The following SLCO5A1 variants were observed in gnomAD, a reference collection of about 807,000 sequenced individuals.
SLCO5A1 encodes organic anion transporter polypeptide-related protein 4.
Under a neutral mutation model 65.1 loss-of-function variants are expected in SLCO5A1, and 39 were observed. The observed-to-expected ratio is 0.60, with a 90% CI of 0.46 to 0.78. The LOEUF (loss-of-function observed/expected upper bound fraction) is 0.78, where lower values mean the gene tolerates loss of function less well. Among genes scored for constraint, SLCO5A1 ranks in the 30% least tolerant of loss-of-function variants. The pLI, the probability that SLCO5A1 is intolerant of heterozygous loss-of-function variation, is 0.00. For missense variants in SLCO5A1, 1,029 were observed against 1,069.4 expected (o/e 0.96, Z 0.53); for synonymous variants, 438 against 415.7 (o/e 1.05, Z -0.65).
At chr8:69,794,263 A>G (rs753369847) in intron 2 of SLCO5A1, 64 of 478,624 alleles carry the variant, frequency 1.3e-4, no homozygotes, top group Middle Eastern at 3.4e-4. Flanking sequence ...CCAGAATGGG[A>G]AAGTTTTGCT....
At chr8:69,716,182 A>G (rs1215291525) in intron 5 of SLCO5A1, among the ~76,000 whole-genome samples, 3 of 152,192 alleles carry the variant, frequency 2.0e-5, no homozygotes, top group Non-Finnish European at 4.4e-5. Flanking sequence ...ATAACATTTC[A>G]TTGCATTTCT....
intron 5 of SLCO5A1, among the ~76,000 whole-genome samples, chr8:69,714,134 A>G (rs1007267158): frequency 6.6e-6 from 1 of 152,210 alleles, no homozygotes; most frequent in Non-Finnish European, 1.5e-5. Flanking sequence ...ATATATCTCA[A>G]TCTTACTGTT....
At chr8:69,757,949 C>A (rs1240956815) in intron 3 of SLCO5A1, among the ~76,000 whole-genome samples, 1 of 152,108 alleles carries the variant, frequency 6.6e-6, no homozygotes, top group Admixed American at 6.5e-5. Flanking sequence ...TCAGGCAGAC[C>A]TGGGTTTGTA....
chr8:69,680,876 G>C (rs991555632), intron 7 of SLCO5A1, among the ~76,000 whole-genome samples: 1 of 152,188 alleles, frequency 6.6e-6, no homozygotes, highest in Admixed American at 6.5e-5. Flanking sequence ...GACTGTGACA[G>C]AGTCAGACTA....
intron 9 of SLCO5A1, among the ~76,000 whole-genome samples, 186 bp from the exon 10 acceptor site, chr8:69,673,512 C>A (rs1343535594): frequency 2.0e-5 from 3 of 152,100 alleles, no homozygotes; most frequent in Non-Finnish European, 2.9e-5. Flanking sequence ...AAAGCATTCA[C>A]TATATGATAA....
At chr8:69,725,381 A>G (rs1013697712) in intron 5 of SLCO5A1, among the ~76,000 whole-genome samples, 1 of 152,164 alleles carries the variant, frequency 6.6e-6, no homozygotes, top group Non-Finnish European at 1.5e-5. Context: ...TTATTTCTGT[A>G]AAGTACCCCC....
chr8:69,704,892 G>T, intron 6 of SLCO5A1, 139 bp downstream of exon 6: 2 of 775,148 alleles, frequency 2.6e-6, no homozygotes, highest in Non-Finnish European at 4.3e-6. Context: ...TGCTCCACTT[G>T]GAGAGGCAGA....
chr8:69,829,779 A>T (rs1401348198), intron 2 of SLCO5A1, among the ~76,000 whole-genome samples: 1 of 152,222 alleles, frequency 6.6e-6, no homozygotes, highest in Non-Finnish European at 1.5e-5. Context: ...CTTCCTTAGG[A>T]TGTTGATGTT....
chr8:69,829,371 C>A (rs934509081), intron 2 of SLCO5A1, among the ~76,000 whole-genome samples: 1 of 152,014 alleles, frequency 6.6e-6, no homozygotes, highest in African/African-American at 2.4e-5. Context: ...AAAGTCTATG[C>A]CATGGAAAAA....
intron 9 of SLCO5A1, among the ~76,000 whole-genome samples, chr8:69,675,177 CT>C (rs772773985): frequency 0.053 from 7,563 of 142,788 alleles, 601 homozygotes; most frequent in African/African-American, 0.18. Flanking sequence ...ATAAGACTGA[CT>C]TTTTTTTTTT....
chr8:69,705,034 GTTGTATAAGGGATGT>G lies in SLCO5A1; in HGVS notation c.1604_1618del (p.Asn535_Thr539del). 1.2e-6 allele frequency: 2 copies of G among 1,610,796 alleles called. No individual in the cohort carries two copies. The highest frequency in any genetic ancestry group is 8.5e-7 in the Non-Finnish European group (1 of 1,179,822). On this transcript the variant is annotated inframe_deletion, in exon 6 of 10. Coordinates refer to ENST00000260126, the MANE Select transcript of SLCO5A1 (RefSeq NM_030958.3). ...ACGGCTCTTAAGAGGTACTTACCCT[GTTGTATAAGGGATGT>G]TTATGCCCCCTAGATTAATGCTTTC...
chr8:69,711,490 T>C (rs1815255873), intron 5 of SLCO5A1, among the ~76,000 whole-genome samples: 2 of 152,002 alleles, frequency 1.3e-5, no homozygotes, highest in South Asian at 2.1e-4. Flanking sequence ...GACACTTCCA[T>C]ATGTTCGGTG....
At chr8:69,708,953 G>A (rs974058887) in intron 5 of SLCO5A1, among the ~76,000 whole-genome samples, 2 of 152,138 alleles carry the variant, frequency 1.3e-5, no homozygotes, top group Admixed American at 1.3e-4. Flanking sequence ...GTTTCAAGGA[G>A]AAAATAGACA....
intron 5 of SLCO5A1, among the ~76,000 whole-genome samples, chr8:69,711,759 G>C (rs569079164): frequency 1.3e-5 from 2 of 152,276 alleles, no homozygotes; most frequent in South Asian, 4.1e-4. Context: ...GATTATAATA[G>C]TATATTCTTC....
At chr8:69,749,273 A>C (rs1817170826) in intron 4 of SLCO5A1, among the ~76,000 whole-genome samples, 1 of 152,046 alleles carries the variant, frequency 6.6e-6, no homozygotes, top group African/African-American at 2.4e-5. Flanking sequence ...CCCTATAATC[A>C]CCTCTGGTAT....
At chr8:69,712,399 A>G (rs1815309075) in intron 5 of SLCO5A1, among the ~76,000 whole-genome samples, 1 of 152,244 alleles carries the variant, frequency 6.6e-6, no homozygotes, top group South Asian at 2.1e-4. Flanking sequence ...ATTACCAAAT[A>G]TAAAAGCTAA....
rs373604567 is a variant in SLCO5A1 at position 69,832,694 on chromosome 8, G to A, written c.-21C>T. 3 of 1,572,464 alleles carry A rather than the reference G, an allele frequency of 1.9e-6. No individual in the cohort carries two copies. The highest frequency in any genetic ancestry group is 2.6e-6 in the Non-Finnish European group (3 of 1,169,258). On this transcript the variant is annotated 5_prime_UTR_variant, in exon 2 of 10. Coordinates refer to ENST00000260126, the MANE Select transcript of SLCO5A1 (RefSeq NM_030958.3). The surrounding 1 kb of genome is among the most constrained non-coding windows in gnomAD (Gnocchi z 4.5). ...TCCATGGCGCTTAGAATTCAGATTT[G>A]ATAGCTGATGGCACCCAAGCACTCC...
At chr8:69,803,891 A>G (rs1490908919) in intron 2 of SLCO5A1, among the ~76,000 whole-genome samples, 1 of 152,068 alleles carries the variant, frequency 6.6e-6, no homozygotes, top group Non-Finnish European at 1.5e-5. Context: ...GCAGTGAGCT[A>G]TGATCATGCC....
At chr8:69,722,296 C>T (rs1246425337) in intron 5 of SLCO5A1, among the ~76,000 whole-genome samples, 1 of 152,140 alleles carries the variant, frequency 6.6e-6, no homozygotes, top group African/African-American at 2.4e-5. Context: ...GCCCTTATGA[C>T]TTTTTCAAAG....
Sources: gnomAD v4.1 joint callset for allele counts (sites outside exome capture counted in the v4.1 genomes callset) on GRCh38, gnomAD v4.1.1 for gene constraint, Gnocchi (gnomAD v3.1) non-coding constraint, MANE v1.5 for transcripts, NCBI Gene and HGNC (gene_info 2026-07-23, HGNC 2026-07-21) for gene names.